Variants in CCNG2 observed in about 807,000 individuals in gnomAD.
The protein encoded by CCNG2 is cyclin G2.
In CCNG2, 20 loss-of-function variants were observed where a neutral mutation model predicts 36.5. The observed-to-expected ratio is 0.55, with a 90% CI of 0.39 to 0.80. The LOEUF (loss-of-function observed/expected upper bound fraction) is 0.80, where lower values mean the gene tolerates loss of function less well. Among genes scored for constraint, CCNG2 ranks in the 30% least tolerant of loss-of-function variants. The pLI is 0.00. For missense variants in CCNG2, 358 were observed against 390.8 expected, an observed-to-expected ratio of 0.92 and a Z score of 0.71; for synonymous variants, 155 against 140.1, an observed-to-expected ratio of 1.11 and a Z score of -0.75.
At chr4:77,165,552 A>G (rs1731606929) in intron 7 of CCNG2, among the ~76,000 whole-genome samples, 1 of 151,766 alleles carries the variant, frequency 6.6e-6, no homozygotes, top group African/African-American at 2.4e-5. Context: ...AGCGATCTGC[A>G]CACTTCGGCC....
intron 6 of CCNG2, 129 bp from the exon 7 acceptor site, chr4:77,164,145 A>C (rs927237718): frequency 1.1e-4 from 69 of 632,030 alleles, no homozygotes; most frequent in Non-Finnish European, 4.7e-5. Flanking sequence ...TCAGAATACC[A>C]GGGGTGGAAG....
At chr4:77,162,580 G>A (rs993880757) in intron 6 of CCNG2, among the ~76,000 whole-genome samples, 3 of 151,730 alleles carry the variant, frequency 2.0e-5, no homozygotes, top group African/African-American at 2.4e-5. Context: ...ATGGGGTTTC[G>A]CCATGTTGGC....
At chr4:77,158,708 A>T in intron 2 of CCNG2, 38 bp downstream of exon 2, 1 of 1,611,714 alleles carries the variant, frequency 6.2e-7, no homozygotes, top group Non-Finnish European at 8.5e-7. Flanking sequence ...CAAGCAGCTG[A>T]TGGGGCTTGG....
At chr4:77,165,475 A>G (rs1048963101) in intron 7 of CCNG2, among the ~76,000 whole-genome samples, 1 of 146,350 alleles carries the variant, frequency 6.8e-6, no homozygotes, top group Non-Finnish European at 1.5e-5. Context: ...TAATTTTTGT[A>G]TTAATATTTT....
chr4:77,164,634 C>G (rs1731578614), intron 7 of CCNG2, 155 bp downstream of exon 7: 1 of 568,618 alleles, frequency 1.8e-6, no homozygotes, highest in African/African-American at 1.9e-5. Context: ...AGCAAATTAA[C>G]CAGAAGTAGT....
rs565189271 is a variant in CCNG2, at chr4:77,161,879, G to C, written c.705+132G>C. ...ACTTGTTTTTTTTCTTATATCTCTA[G>C]TGTTAAAGTTCTCAAAATGCAGCTT... On this transcript the variant is annotated intron_variant, in intron 6 of 7. Transcript: ENST00000316355. The C allele has an allele frequency of 4.9e-6, 3 of 617,310 alleles. No homozygotes were observed. The African/African-American group carries it at 5.6e-5, about 11-fold the overall frequency. 38.2% of individuals were successfully genotyped at this position (617,310 alleles called of 1,614,324 possible).
intron 1 of CCNG2, among the ~76,000 whole-genome samples, chr4:77,157,779 G>C (rs1731304110): frequency 6.6e-6 from 1 of 152,142 alleles, no homozygotes; most frequent in Non-Finnish European, 1.5e-5. Context: ...ACGGGGACTT[G>C]CTGGCGTGGT....
In CCNG2 at chr4:77,160,824, G is replaced by A. The variant is rs1033522669; in HGVS notation, c.380G>A (p.Arg127Gln). The change falls in exon 4 of 8, where the codon CGG becomes CAG. Residue 127 changes from arginine to glutamine, a missense_variant. Coordinates refer to ENST00000316355, the MANE Select transcript of CCNG2 (RefSeq NM_004354.3). The part of the protein sequence containing the change: ...CNIPSTHDVI[R>Q]ISQCKCTASD... ...ATTCCATCCACTCATGATGTGATCCGGATTAGTCAGTGTAAATGTACTGCT... is the reference window on the plus strand; with the variant it reads ...ATTCCATCCACTCATGATGTGATCCAGATTAGTCAGTGTAAATGTACTGCT... The A allele has an allele frequency of 1.3e-5, 21 of 1,613,778 alleles. No homozygotes were observed. Among genetic ancestry groups the A allele is most frequent in the East Asian group, 2.2e-5 (1 of 44,878 alleles).
At chr4:77,165,747 T>C (rs4150092) in intron 7 of CCNG2, 54 bp from the exon 8 acceptor site, 97,723 of 1,414,978 alleles carry the variant, frequency 0.069, 3,719 homozygotes, top group African/African-American at 0.15. Flanking sequence ...TATAAAACAT[T>C]TAAGTGTGTT....
At position 77,161,566 on chromosome 4, in the gene CCNG2, G is replaced by A. The variant is rs373920808; in HGVS notation, c.606+8G>A. ...ATCTTTTCAAAAGCAAAAGTAAGTC[G>A]ATTCCTTGCTTATGTATATATCTCA... On this transcript the variant is annotated splice_region_variant and intron_variant, in intron 5 of 7. Transcript: ENST00000316355. 2.7e-5 allele frequency: 43 copies of A among 1,603,404 alleles called. No homozygotes were observed. The East Asian group carries it at 5.8e-4, about 22-fold the overall frequency.
intron 6 of CCNG2, among the ~76,000 whole-genome samples, chr4:77,162,056 T>C (rs1323980382): frequency 6.6e-6 from 1 of 152,198 alleles, no homozygotes; most frequent in East Asian, 1.9e-4. Context: ...TACTAGGTAG[T>C]AGACTCAGAA....
chr4:77,158,497 C>G (rs761724456), intron 1 of CCNG2, 36 bp from the exon 2 acceptor site: 2 of 1,613,090 alleles, frequency 1.2e-6, no homozygotes, highest in African/African-American at 1.3e-5. Context: ...CCTCTTACCC[C>G]CAGATTACAT....
chr4:77,164,569 A>C (rs951939208), intron 7 of CCNG2, 90 bp downstream of exon 7: 1 of 940,950 alleles, frequency 1.1e-6, no homozygotes, highest in African/African-American at 1.7e-5. Flanking sequence ...AAGACATCAG[A>C]GAAAGCAAGC....
chr4:77,165,517 G>A (rs1295785239), intron 7 of CCNG2, among the ~76,000 whole-genome samples: 1 of 151,436 alleles, frequency 6.6e-6, no homozygotes, highest in Admixed American at 6.6e-5. Flanking sequence ...ATGTTGCCCA[G>A]GCTAGTCTTG....
Position 77,161,509 on chromosome 4 carries a change from A to C in CCNG2, c.557A>C (p.Glu186Ala). ...RKEILSLDKL[E>A]AQLKACNCRL... is the part of the protein sequence containing the mutation. ...GAAATACTGAGCCTTGATAAACTAG[A>C]AGCTCAGCTGAAAGCTTGCAACTGC... The change falls in exon 5 of 8, where the codon GAA becomes GCA. Residue 186 changes from glutamate to alanine, a missense_variant. Glu to Ala is a moderately radical substitution (Grantham distance 107). Transcript: ENST00000316355. 1 of 1,610,016 alleles carries C rather than the reference A, an allele frequency of 6.2e-7. No homozygotes were observed. Among genetic ancestry groups the C allele is most frequent in the Non-Finnish European group, 8.5e-7 (1 of 1,178,670 alleles).
At chr4:77,161,010 T>C (rs781407276) in intron 4 of CCNG2, 39 bp downstream of exon 4, 1 of 1,462,194 alleles carries the variant, frequency 6.8e-7, no homozygotes, top group Admixed American at 2.0e-5. Context: ...CTTTGAACAT[T>C]GCTATAGCTA....
At chr4:77,161,877 T>G in intron 6 of CCNG2, 130 bp downstream of exon 6, 1 of 625,722 alleles carries the variant, frequency 1.6e-6, no homozygotes, top group Non-Finnish European at 2.7e-6. Context: ...CTTATATCTC[T>G]AGTGTTAAAG....
At position 77,166,030 on chromosome 4, in the gene CCNG2, C is replaced by A; in HGVS notation, c.*106C>A. The A allele has an allele frequency of 1.0e-6, 1 of 989,688 alleles. No individual in the cohort carries two copies. The highest frequency in any genetic ancestry group is 2.6e-5 in the East Asian group (1 of 38,400). 61.3% of individuals were successfully genotyped at this position (989,688 alleles called of 1,614,324 possible). A position where few individuals can be genotyped will look rare whatever the true frequency, so the allele number is the denominator to read the frequency against. ...CCCCATCTAGTCAGGAATTAATATA[C>A]TGGAATACCTACCTTCTATTTGTTA... On this transcript the variant is annotated 3_prime_UTR_variant, in exon 8 of 8. Transcript: ENST00000316355.
chr4:77,158,296 C>A (rs1347421217), intron 1 of CCNG2: 1 of 522,422 alleles, frequency 1.9e-6, no homozygotes, highest in Admixed American at 3.5e-5. Flanking sequence ...CAGGGCTGGC[C>A]GGTCTTACCC....
Sources: allele counts gnomAD v4.1 joint callset (sites outside exome capture counted in the v4.1 genomes callset), GRCh38; gene constraint gnomAD v4.1.1; transcripts MANE v1.5; gene names NCBI Gene and HGNC (gene_info 2026-07-23, HGNC 2026-07-21).